ZFHX3: variants seen among roughly 807,000 people sequenced by gnomAD.
ZFHX3 encodes zinc finger homeobox protein 3.
ZFHX3 carries 42 observed loss-of-function variants against 279.1 expected under a neutral mutation model. The ratio of observed to expected loss-of-function variants is 0.15; its 90% CI spans 0.12 to 0.19. ZFHX3 has a LOEUF of 0.19. ZFHX3 is among the 10% of genes least tolerant of loss of function. The probability of loss-of-function intolerance (pLI) is 1.00; values close to 1 mark genes in which losing one functional copy is unlikely to be tolerated. For missense variants in ZFHX3, 4,981 were observed against 4,754.0 expected (o/e 1.05, Z -1.40); for synonymous variants, 2,293 against 1,957.8 (o/e 1.17, Z -4.52).
At chr16:73,487,958 C>T (rs2019002421) in intron 2 of ZFHX3, among the ~76,000 whole-genome samples, 1 of 152,162 alleles carries the variant, frequency 6.6e-6, no homozygotes, top group Non-Finnish European at 1.5e-5. Context: ...CCTGAGGTCC[C>T]AGACATCTAA....
At position 72,916,173 on chromosome 16, in the gene ZFHX3, TC is replaced by T. The variant is rs59379613; in HGVS notation, c.3217-26212del. Among the ~76,000 whole-genome samples the T allele has an allele frequency of 7.9e-5, 12 of 151,496 alleles. No homozygotes were observed. The South Asian group carries it at 8.4e-4, about 11-fold the overall frequency. On this transcript the variant is annotated intron_variant, in intron 3 of 9. Coordinates refer to ENST00000268489, the MANE Select transcript of ZFHX3 (RefSeq NM_006885.4). ...CTGACTTCTTCCTTGACTCTTCACTTCCCCCCCCTCCTCCGCCTTTCTTTTT... is the reference window on the plus strand; with the variant it reads ...CTGACTTCTTCCTTGACTCTTCACTTCCCCCCCTCCTCCGCCTTTCTTTTT...
chr16:73,761,758 T>C (rs2053869681), intron 1 of ZFHX3, among the ~76,000 whole-genome samples: 3 of 152,288 alleles, frequency 2.0e-5, no homozygotes, highest in East Asian at 1.9e-4. Context: ...TAATAAATGG[T>C]GCTGGGATAA....
intron 1 of ZFHX3, among the ~76,000 whole-genome samples, chr16:73,773,932 G>A (rs1392237349): frequency 6.6e-6 from 1 of 152,010 alleles, no homozygotes; most frequent in Non-Finnish European, 1.5e-5. Context: ...GAGGCCAGGA[G>A]CTCCAGACTA....
intron 2 of ZFHX3, among the ~76,000 whole-genome samples, chr16:73,518,421 A>G (rs2019558914): frequency 1.3e-5 from 2 of 152,200 alleles, no homozygotes. Flanking sequence ...GCCAAATGGC[A>G]GATTCTGGGA....
At chr16:73,248,362 T>G (rs2013370235) in intron 5 of ZFHX3, among the ~76,000 whole-genome samples, 1 of 151,694 alleles carries the variant, frequency 6.6e-6, no homozygotes, top group African/African-American at 2.4e-5. Context: ...GGTTGTATAC[T>G]GTGTATAAAA....
intron 1 of ZFHX3, among the ~76,000 whole-genome samples, chr16:73,041,823 A>G (rs988946292): frequency 6.6e-6 from 1 of 152,258 alleles, no homozygotes; most frequent in African/African-American, 2.4e-5. Flanking sequence ...CCAAATGTAC[A>G]TTAAGAACCA....
At chr16:73,821,901 C>T (rs1440274791) in intron 1 of ZFHX3, among the ~76,000 whole-genome samples, 1 of 152,138 alleles carries the variant, frequency 6.6e-6, no homozygotes, top group Non-Finnish European at 1.5e-5. Context: ...CCCATATAGC[C>T]TAACAGCATG....
At chr16:73,613,436 T>C (rs1464522459) in intron 2 of ZFHX3, among the ~76,000 whole-genome samples, 4 of 93,130 alleles carry the variant, frequency 4.3e-5, no homozygotes, top group Non-Finnish European at 5.6e-5. Flanking sequence ...TCTTAGCTTT[T>C]GCTTTTTTTG....
chr16:73,507,596 A>G (rs1226242370), intron 2 of ZFHX3, among the ~76,000 whole-genome samples: 3 of 148,462 alleles, frequency 2.0e-5, no homozygotes, highest in Non-Finnish European at 4.4e-5. Context: ...CCTGGGCTCA[A>G]GTGATCCTTC....
At chr16:73,147,876 A>G (rs1045304478) in intron 5 of ZFHX3, among the ~76,000 whole-genome samples, 2 of 152,056 alleles carry the variant, frequency 1.3e-5, no homozygotes, top group Admixed American at 6.5e-5. Context: ...TCTCCCAAAA[A>G]CAAAAATAAA....
intron 3 of ZFHX3, among the ~76,000 whole-genome samples, chr16:73,418,377 T>C (rs1287085873): frequency 6.6e-6 from 1 of 152,144 alleles, no homozygotes; most frequent in Non-Finnish European, 1.5e-5. Flanking sequence ...TCACCTGGAA[T>C]AGGGAGTCCC....
Position 72,794,300 on chromosome 16 carries a change from C to T in ZFHX3, c.8382G>A (p.Leu2794=), listed in dbSNP as rs771808233. The T allele has an allele frequency of 7.4e-6, 12 of 1,610,768 alleles. No individual in the cohort carries two copies. The African/African-American group carries it at 1.3e-4, about 18-fold the overall frequency. The change falls in exon 9 of 10, where the codon TTG becomes TTA. Residue 2794 remains leucine (L), a synonymous_variant. Coordinates refer to ENST00000268489, the MANE Select transcript of ZFHX3 (RefSeq NM_006885.4). The surrounding 1 kb of genome is among the most constrained non-coding windows in gnomAD (Gnocchi z 4.2). ...PLSPVSKTME[L]SPRTLLSPSS... Reference sequence around the variant, plus strand: ...AAGGGCTTAGAAGAGTTCTGGGTGACAATTCCATGGTTTTACTCACAGGTG... The same window carrying T: ...AAGGGCTTAGAAGAGTTCTGGGTGATAATTCCATGGTTTTACTCACAGGTG...
chr16:73,698,944 G>A (rs2053222458), intron 1 of ZFHX3, among the ~76,000 whole-genome samples: 2 of 151,968 alleles, frequency 1.3e-5, no homozygotes, highest in South Asian at 4.2e-4. Flanking sequence ...GAGTGCAGTG[G>A]CGTGATCTCG....
At chr16:73,231,591 G>A (rs917736549) in intron 5 of ZFHX3, among the ~76,000 whole-genome samples, 3 of 152,174 alleles carry the variant, frequency 2.0e-5, no homozygotes, top group African/African-American at 7.2e-5. Flanking sequence ...TCAATAGTTC[G>A]TTCCAGCTGA....
At chr16:73,409,111 A>G (rs1439830092) in intron 3 of ZFHX3, among the ~76,000 whole-genome samples, 1 of 152,156 alleles carries the variant, frequency 6.6e-6, no homozygotes, top group African/African-American at 2.4e-5. Context: ...ATTAGCATTC[A>G]CCCAAATGAG....
At chr16:73,665,808 C>CTT (rs527815602) in intron 2 of ZFHX3, among the ~76,000 whole-genome samples, 4 of 90,514 alleles carry the variant, frequency 4.4e-5, no homozygotes, top group African/African-American at 9.5e-5. Context: ...TCTTCAATAA[C>CTT]TTTTTTTTTT....
intron 1 of ZFHX3, among the ~76,000 whole-genome samples, chr16:73,055,918 C>T (rs1345779179): frequency 6.6e-6 from 1 of 152,116 alleles, no homozygotes; most frequent in South Asian, 2.1e-4. Context: ...TTTAAAAAGT[C>T]CACAGATCTG....
intron 3 of ZFHX3, among the ~76,000 whole-genome samples, chr16:73,453,420 T>G (rs549612594): frequency 6.6e-5 from 10 of 152,296 alleles, no homozygotes; most frequent in African/African-American, 2.2e-4. Flanking sequence ...ACATTTGCTC[T>G]GGAGAATGTT....
intron 2 of ZFHX3, among the ~76,000 whole-genome samples, chr16:73,570,234 A>G (rs2051719622): frequency 6.6e-6 from 1 of 152,228 alleles, no homozygotes; most frequent in Admixed American, 6.5e-5. Context: ...AAAAATCCTT[A>G]GGATTCCCGA....
Sources: gnomAD v4.1 joint callset for allele counts (sites outside exome capture counted in the v4.1 genomes callset) on GRCh38, gnomAD v4.1.1 for gene constraint, Gnocchi (gnomAD v3.1) non-coding constraint, MANE v1.5 for transcripts, NCBI Gene and HGNC (gene_info 2026-07-23, HGNC 2026-07-21) for gene names.